The following ZNF354C variants were observed in gnomAD, a reference collection of about 807,000 sequenced individuals.
ZNF354C encodes zinc finger protein 354C, also known as KRAB-zinc finger protein synten.
Under a neutral mutation model 12.4 loss-of-function variants are expected in ZNF354C, and 7 were observed. The observed-to-expected ratio is 0.56, with a 90% CI of 0.32 to 1.06. ZNF354C has a LOEUF of 1.06. Ranked by LOEUF, ZNF354C falls within the 50% of genes least tolerant of loss-of-function variation. The pLI is 0.04. For missense variants in ZNF354C, 609 were observed against 658.0 expected (o/e 0.93, Z 0.81); for synonymous variants, 202 against 224.5 (o/e 0.90, Z 0.90).
At chr5:179,074,407 C>T (rs1762087664) in intron 2 of ZNF354C, among the ~76,000 whole-genome samples, 1 of 151,730 alleles carries the variant, frequency 6.6e-6, no homozygotes, top group Non-Finnish European at 1.5e-5. Flanking sequence ...GGATTACAGG[C>T]GTGAGCCACC....
At chr5:179,069,842 G>A (rs558274850) in intron 2 of ZNF354C, among the ~76,000 whole-genome samples, 386 of 152,288 alleles carry the variant, frequency 2.5e-3, no homozygotes, top group Admixed American at 5.6e-3. Context: ...CTCCAGCCTG[G>A]GCGACAGAGC....
At chr5:179,075,690 A>G (rs953254194) in intron 2 of ZNF354C, among the ~76,000 whole-genome samples, 35 of 152,286 alleles carry the variant, frequency 2.3e-4, no homozygotes, top group Middle Eastern at 6.8e-3. Context: ...CAACAAATAT[A>G]GATTCTTTTG....
At position 179,080,809 on chromosome 5, in the gene ZNF354C, G is replaced by A. The variant is rs898583820; in HGVS notation, c.*712G>A. On this transcript the variant is annotated 3_prime_UTR_variant, in exon 5 of 5. Coordinates refer to ENST00000315475, the MANE Select transcript of ZNF354C (RefSeq NM_014594.3). ...TGATGTGGTTTTATATAACTGAACA[G>A]AGTACTATTACAGTACCGTAGAAGG... 6.6e-6 allele frequency: 1 copy of A among 152,002 alleles called. No individual in the cohort carries two copies. The highest frequency in any genetic ancestry group is 2.4e-5 in the African/African-American group (1 of 41,382). The allele number at this position is 152,002 out of a possible 1,614,324, so 9.4% of individuals were successfully genotyped here.
chr5:179,074,102 C>T (rs979314744), intron 2 of ZNF354C, among the ~76,000 whole-genome samples: 3 of 152,012 alleles, frequency 2.0e-5, no homozygotes, highest in Non-Finnish European at 2.9e-5. Context: ...CCTGCCTCAG[C>T]CTCCCGAGTA....
intron 2 of ZNF354C, among the ~76,000 whole-genome samples, chr5:179,076,074 G>C (rs1762116340): frequency 6.6e-6 from 1 of 152,148 alleles, no homozygotes; most frequent in African/African-American, 2.4e-5. Flanking sequence ...CCGTCTAGTG[G>C]TTCCCTGCAG....
At chr5:179,077,205 T>G in intron 4 of ZNF354C, 39 bp downstream of exon 4, 4 of 1,526,370 alleles carry the variant, frequency 2.6e-6, no homozygotes, top group Non-Finnish European at 3.6e-6. Context: ...AGGGGTTCTT[T>G]ATAGACAAGT....
Position 179,082,904 on chromosome 5 carries a change from A to C in ZNF354C, c.*2807A>C. The C allele has an allele frequency of 3.0e-6, 3 of 995,460 alleles. No homozygotes were observed. Among genetic ancestry groups the C allele is most frequent in the Non-Finnish European group, 4.8e-6 (3 of 621,340 alleles). 61.7% of individuals were successfully genotyped at this position (995,460 alleles called of 1,614,324 possible). ...TGCACTTGCCAGTGCGCTGATGAAG[A>C]ATCACGGAGAACTCCACCTCATCTC... On this transcript the variant is annotated 3_prime_UTR_variant, in exon 5 of 5. Coordinates refer to ENST00000315475, the MANE Select transcript of ZNF354C (RefSeq NM_014594.3).
intron 2 of ZNF354C, among the ~76,000 whole-genome samples, chr5:179,064,854 T>G (rs1366228420): frequency 6.6e-6 from 1 of 152,138 alleles, no homozygotes; most frequent in Non-Finnish European, 1.5e-5. Context: ...GAAATTTCTC[T>G]CTACTTGTTA....
In ZNF354C at chr5:179,078,739, G is replaced by A; in HGVS notation, c.307G>A (p.Glu103Lys). 1 of 1,612,442 alleles carries A rather than the reference G, an allele frequency of 6.2e-7. No homozygotes were observed. The highest frequency in any genetic ancestry group is 8.5e-7 in the Non-Finnish European group (1 of 1,179,610). The part of the protein sequence containing the change: ...ALPHRQDIFI[E>K]ETSQGMVKKE... Reference sequence around the variant, plus strand: ...GCCTCATAGACAGGACATTTTTATAGAAGAAACATCTCAGGGAATGGTAAA... The same window carrying A: ...GCCTCATAGACAGGACATTTTTATAAAAGAAACATCTCAGGGAATGGTAAA... The change falls in exon 5 of 5, where the codon GAA (glutamate) becomes AAA (lysine). Residue 103 changes from glutamate to lysine, a missense_variant. By Grantham distance (56) the Glu-to-Lys change is moderately conservative. Transcript: ENST00000315475.
intron 2 of ZNF354C, among the ~76,000 whole-genome samples, chr5:179,064,872 T>A (rs28613675): frequency 0.036 from 5,519 of 152,214 alleles, 224 homozygotes; most frequent in African/African-American, 0.1. Context: ...TTAGGAAAAC[T>A]GCAAACAAGC....
intron 2 of ZNF354C, among the ~76,000 whole-genome samples, chr5:179,069,027 T>C (rs13160086): frequency 0.3 from 45,768 of 152,142 alleles, 6,929 homozygotes; most frequent in East Asian, 0.44. Context: ...AATTACCTCT[T>C]TAAAGATCTT....
At chr5:179,076,606 T>C (rs759685699) in intron 3 of ZNF354C, 35 bp downstream of exon 3, 6 of 1,610,412 alleles carry the variant, frequency 3.7e-6, no homozygotes, top group Admixed American at 3.3e-5. Context: ...GAATCTGTTA[T>C]AGGAACGCCT....
In ZNF354C at chr5:179,077,205, T is replaced by C. The variant is rs1283338643; in HGVS notation, c.250+39T>C. ...TGGGAAATGGGCACAAGGGGTTCTT[T>C]ATAGACAAGTAGGTCACAAAGAGGC... On this transcript the variant is annotated intron_variant, in intron 4 of 4. Coordinates refer to ENST00000315475, the MANE Select transcript of ZNF354C (RefSeq NM_014594.3). 5 of 1,526,252 alleles carry C rather than the reference T, an allele frequency of 3.3e-6. No individual in the cohort carries two copies. In the African/African-American group the frequency reaches 4.1e-5, roughly 13 times the overall value. The allele number at this position is 1,526,252 out of a possible 1,614,324, so 94.5% of individuals were successfully genotyped here. A position where few individuals can be genotyped will look rare whatever the true frequency, so the allele number is the denominator to read the frequency against.
Position 179,080,144 on chromosome 5 carries a change from TAATA to T in ZNF354C, c.*52_*55del. ...GACTTCTCACTGGGGAATAAGGGAA[TAATA>T]AATAGGGTACAAACTCCTAATAGAT... is the stretch of plus-strand genomic sequence containing the variant. On this transcript the variant is annotated 3_prime_UTR_variant, in exon 5 of 5. Coordinates refer to ENST00000315475, the MANE Select transcript of ZNF354C (RefSeq NM_014594.3). 7.3e-7 allele frequency: 1 copy of T among 1,372,424 alleles called. No homozygotes were observed. The highest frequency in any genetic ancestry group is 9.9e-7 in the Non-Finnish European group (1 of 1,007,776). 85.0% of individuals were successfully genotyped at this position (1,372,424 alleles called of 1,614,324 possible). A position where few individuals can be genotyped will look rare whatever the true frequency, so the allele number is the denominator to read the frequency against.
At chr5:179,072,604 G>A (rs1762065364) in intron 2 of ZNF354C, among the ~76,000 whole-genome samples, 1 of 152,068 alleles carries the variant, frequency 6.6e-6, no homozygotes, top group Non-Finnish European at 1.5e-5. Flanking sequence ...AAATACAAAG[G>A]AAGTCACAGC....
chr5:179,062,859 G>GC (rs1561746922), intron 2 of ZNF354C, among the ~76,000 whole-genome samples: 1 of 152,012 alleles, frequency 6.6e-6, no homozygotes, highest in Non-Finnish European at 1.5e-5. Flanking sequence ...CTCTACCTGG[G>GC]CTCTTTTTTC....
At chr5:179,061,114 G>A (rs1264951298) in intron 1 of ZNF354C, among the ~76,000 whole-genome samples, 1 of 152,258 alleles carries the variant, frequency 6.6e-6, no homozygotes, top group Non-Finnish European at 1.5e-5. Context: ...CGTAACCGAG[G>A]CCTTGTGTGG....
chr5:179,061,984 G>A, intron 1 of ZNF354C, 31 bp from the exon 2 acceptor site: 3 of 1,481,452 alleles, frequency 2.0e-6, no homozygotes, highest in Non-Finnish European at 2.8e-6. Flanking sequence ...CCTGACGCCA[G>A]GGTTCCTCTT....
In ZNF354C at chr5:179,066,966, G is replaced by A. The variant is rs73806854; in HGVS notation, c.27+4871G>A. On this transcript the variant is annotated intron_variant, in intron 2 of 4. Transcript: ENST00000315475. The stretch of plus-strand genomic sequence containing the variant: ...CTGTTCTCTCTTTCTTCTCCTTATG[G>A]CATCCCAATTACATTGTAATTTTAA... 9.9e-3 allele frequency among the ~76,000 whole-genome samples: 1,504 copies of A among 152,166 alleles called. 24 individuals carry two copies. The highest frequency in any genetic ancestry group is 0.034 in the African/African-American group (1,424 of 41,492).
Sources: gnomAD v4.1 joint callset for allele counts (sites outside exome capture counted in the v4.1 genomes callset) on GRCh38, gnomAD v4.1.1 for gene constraint, MANE v1.5 for transcripts, NCBI Gene and HGNC (gene_info 2026-07-23, HGNC 2026-07-21) for gene names.